The following KCND2 variants were observed in gnomAD, a reference collection of about 807,000 sequenced individuals.
The protein encoded by KCND2 is potassium voltage-gated channel subfamily D member 2.
In KCND2, 16 loss-of-function variants were observed where a neutral mutation model predicts 54.4. The ratio of observed to expected loss-of-function variants is 0.29; its 90% CI spans 0.20 to 0.45. The LOEUF is 0.45. Ranked by LOEUF, KCND2 falls within the 20% of genes least tolerant of loss-of-function variation. The pLI, the probability that KCND2 is intolerant of heterozygous loss-of-function variation, is 1.00. For missense variants in KCND2, 486 were observed against 824.2 expected, an observed-to-expected ratio of 0.59 and a Z score of 5.02; for synonymous variants, 317 against 310.7, an observed-to-expected ratio of 1.02 and a Z score of -0.21.
At chr7:120,432,590 A>G (rs1801809388) in intron 1 of KCND2, among the ~76,000 whole-genome samples, 1 of 152,186 alleles carries the variant, frequency 6.6e-6, no homozygotes, top group Non-Finnish European at 1.5e-5. Context: ...CTTTTTGCCA[A>G]GTGGCACTAC....
At chr7:120,314,935 T>G (rs1799791047) in intron 1 of KCND2, among the ~76,000 whole-genome samples, 1 of 152,104 alleles carries the variant, frequency 6.6e-6, no homozygotes, top group African/African-American at 2.4e-5. Flanking sequence ...AAATAATGCA[T>G]GTTATCACCA....
chr7:120,337,995 T>G (rs1800176725), intron 1 of KCND2, among the ~76,000 whole-genome samples: 1 of 152,102 alleles, frequency 6.6e-6, no homozygotes, highest in African/African-American at 2.4e-5. Flanking sequence ...GTGATAAAAA[T>G]TGTCCTTTTA....
chr7:120,304,874 C>G (rs577091707), intron 1 of KCND2, among the ~76,000 whole-genome samples: 13 of 152,286 alleles, frequency 8.5e-5, no homozygotes, highest in Admixed American at 7.9e-4. Flanking sequence ...GAATACTTGT[C>G]TCTTCATCTC....
At chr7:120,376,059 A>G (rs1800831881) in intron 1 of KCND2, among the ~76,000 whole-genome samples, 1 of 151,796 alleles carries the variant, frequency 6.6e-6, no homozygotes, top group Non-Finnish European at 1.5e-5. Flanking sequence ...TTCATGTTCA[A>G]TATCCTTTGC....
chr7:120,652,604 C>A (rs1403039482), intron 1 of KCND2, among the ~76,000 whole-genome samples: 1 of 152,080 alleles, frequency 6.6e-6, no homozygotes, highest in Non-Finnish European at 1.5e-5. Context: ...TTGTGTGGTC[C>A]CAGAGAAGAA....
At chr7:120,400,115 G>A (rs1801226594) in intron 1 of KCND2, among the ~76,000 whole-genome samples, 1 of 152,042 alleles carries the variant, frequency 6.6e-6, no homozygotes, top group Non-Finnish European at 1.5e-5. Context: ...ATGTTATAAT[G>A]CCTTACGGAA....
At chr7:120,315,196 T>A (rs1471612844) in intron 1 of KCND2, among the ~76,000 whole-genome samples, 1 of 152,104 alleles carries the variant, frequency 6.6e-6, no homozygotes, top group African/African-American at 2.4e-5. Context: ...TTCATTAGGG[T>A]TCCTGCTGTC....
At chr7:120,651,603 G>A (rs186282723) in intron 1 of KCND2, among the ~76,000 whole-genome samples, 2 of 152,054 alleles carry the variant, frequency 1.3e-5, no homozygotes, top group African/African-American at 2.4e-5. Context: ...GCTCACGCTC[G>A]ATGGGCTGCA....
At chr7:120,736,818 A>T (rs1792877035) in intron 2 of KCND2, among the ~76,000 whole-genome samples, 1 of 151,848 alleles carries the variant, frequency 6.6e-6, no homozygotes, top group Admixed American at 6.6e-5. Flanking sequence ...AAGGCAAAAA[A>T]ATTCTAGTAT....
intron 2 of KCND2, among the ~76,000 whole-genome samples, chr7:120,735,488 A>G (rs1202449865): frequency 6.6e-6 from 1 of 152,122 alleles, no homozygotes; most frequent in Non-Finnish European, 1.5e-5. Context: ...GCACAAATCT[A>G]AATTTCCGAT....
chr7:120,682,339 T>TAAAAAAAAAATAAAATAAAATAAA (rs1792149974), intron 1 of KCND2, among the ~76,000 whole-genome samples: 1 of 152,076 alleles, frequency 6.6e-6, no homozygotes, highest in African/African-American at 2.4e-5. Flanking sequence ...AAAATAAAAA[T>TAAAAAAAAAATAAAATAAAATAAA]AAGTAGTCTT....
intron 1 of KCND2, among the ~76,000 whole-genome samples, chr7:120,276,463 T>TA (rs1799176572): frequency 6.6e-6 from 1 of 151,564 alleles, no homozygotes; most frequent in African/African-American, 2.4e-5. Flanking sequence ...ATCCACACAT[T>TA]TTTTTTTAGA....
At chr7:120,742,197 G>T in intron 3 of KCND2, 1 of 322,540 alleles carries the variant, frequency 3.1e-6, no homozygotes, top group South Asian at 3.2e-5. Flanking sequence ...AATTTTCTAA[G>T]CACTATGCTA....
At chr7:120,462,443 A>G (rs756897113) in intron 1 of KCND2, among the ~76,000 whole-genome samples, 4 of 152,034 alleles carry the variant, frequency 2.6e-5, no homozygotes, top group Non-Finnish European at 4.4e-5. Context: ...TTGAGAGTAA[A>G]TTTACAGGTA....
intron 1 of KCND2, among the ~76,000 whole-genome samples, chr7:120,609,965 GA>G (rs1792932485): frequency 6.6e-6 from 1 of 152,096 alleles, no homozygotes; most frequent in Non-Finnish European, 1.5e-5. Context: ...CAGAAATACT[GA>G]GTGTTTGGAC....
chr7:120,540,254 A>G (rs1791963505), intron 1 of KCND2, among the ~76,000 whole-genome samples: 1 of 152,220 alleles, frequency 6.6e-6, no homozygotes, highest in African/African-American at 2.4e-5. Flanking sequence ...GTGTTATATA[A>G]AAAGTAAAAT....
chr7:120,604,510 CAATAATAAT>C (rs36229417), intron 1 of KCND2, among the ~76,000 whole-genome samples: 101,940 of 139,936 alleles, frequency 0.73, 37,297 homozygotes, highest in Middle Eastern at 0.79. Flanking sequence ...CTAAAAATAA[CAATAATAAT>C]AATAATAATA....
At chr7:120,320,813 CAG>C (rs1799884252) in intron 1 of KCND2, among the ~76,000 whole-genome samples, 1 of 152,044 alleles carries the variant, frequency 6.6e-6, no homozygotes, top group African/African-American at 2.4e-5. Flanking sequence ...CTGATAGAGT[CAG>C]GGGTAGAACC....
At chr7:120,663,388 G>A (rs2116562882) in intron 1 of KCND2, among the ~76,000 whole-genome samples, 1 of 151,984 alleles carries the variant, frequency 6.6e-6, no homozygotes, top group East Asian at 1.9e-4. Context: ...TGAAATAATG[G>A]GATAATTAAA....
Sources: gnomAD v4.1 joint callset for allele counts (sites outside exome capture counted in the v4.1 genomes callset) on GRCh38, gnomAD v4.1.1 for gene constraint, MANE v1.5 for transcripts, NCBI Gene and HGNC (gene_info 2026-07-23, HGNC 2026-07-21) for gene names.